The following SKAP2 variants were observed in gnomAD, a reference collection of about 807,000 sequenced individuals.
SKAP2 encodes the protein src kinase-associated phosphoprotein 2.
In SKAP2, 28 loss-of-function variants were observed where a neutral mutation model predicts 54.9. The observed-to-expected ratio is 0.51, with a 90% CI of 0.38 to 0.70. The LOEUF (loss-of-function observed/expected upper bound fraction) is 0.70, where lower values mean the gene tolerates loss of function less well. Ranked by LOEUF, SKAP2 falls within the 30% of genes least tolerant of loss-of-function variation. The pLI, the probability that SKAP2 is intolerant of heterozygous loss-of-function variation, is 0.00. For synonymous variants in SKAP2, 137 were observed against 134.3 expected (o/e 1.02, Z -0.14); for missense variants, 356 against 424.1 (o/e 0.84, Z 1.41).
chr7:26,659,553 T>C, the SKAP2 span, among the ~76,000 whole-genome samples: 1 of 152,210 alleles, frequency 6.6e-6, no homozygotes, highest in African/African-American at 2.4e-5. Context: ...TTTATTGTAA[T>C]AATGAGATGT....
rs148286274 is a variant in SKAP2 at position 26,736,547 on chromosome 7, G to C, written c.469+2248C>G. ...CAAGAAGTAACAATAAGTGTAAGCA[G>C]CTGAGCAGCCTATGCTCTGCTTTGC... On this transcript the variant is annotated intron_variant, in intron 6 of 12. Coordinates refer to ENST00000345317, the MANE Select transcript of SKAP2 (RefSeq NM_003930.5). Among the ~76,000 whole-genome samples the C allele has an allele frequency of 2.7e-4, 41 of 152,328 alleles. No individual in the cohort carries two copies. The East Asian group carries it at 7.7e-3, about 29-fold the overall frequency.
intron 4 of SKAP2, among the ~76,000 whole-genome samples, chr7:26,828,397 G>A (rs1784535907): frequency 6.6e-6 from 1 of 152,186 alleles, no homozygotes; most frequent in East Asian, 1.9e-4. Flanking sequence ...GTATAGCAAG[G>A]CCGGGCGCGG....
At chr7:26,729,666 T>C (rs982545109) in intron 6 of SKAP2, among the ~76,000 whole-genome samples, 2 of 152,032 alleles carry the variant, frequency 1.3e-5, no homozygotes, top group Non-Finnish European at 2.9e-5. Flanking sequence ...AGATCAGATA[T>C]ACCTTGAAAA....
intron 7 of SKAP2, 101 bp downstream of exon 7, chr7:26,726,781 G>T: frequency 1.1e-6 from 1 of 942,896 alleles, no homozygotes; most frequent in Non-Finnish European, 1.5e-6. Flanking sequence ...TTTTATTATT[G>T]TTAACATGTC....
intron 4 of SKAP2, among the ~76,000 whole-genome samples, chr7:26,820,260 C>T (rs1027358074): frequency 2.0e-5 from 3 of 152,172 alleles, no homozygotes; most frequent in African/African-American, 7.2e-5. Context: ...CATAATCCTT[C>T]CACTTGTAAA....
intron 11 of SKAP2, among the ~76,000 whole-genome samples, chr7:26,684,147 T>TAC (rs902489426): frequency 6.6e-6 from 1 of 152,186 alleles, no homozygotes; most frequent in South Asian, 2.1e-4. Flanking sequence ...TTTATGTATA[T>TAC]ACACACACAC....
rs544986522 is a variant in SKAP2 at position 26,725,628 on chromosome 7, C to T, written c.659-63G>A. On this transcript the variant is annotated intron_variant, in intron 8 of 12. Transcript: ENST00000345317. Reference sequence around the variant, plus strand: ...TGCAGAAGATATTTTTAAAACTATACTTTATAAATAAATGCAGCCCTACAA... The same window carrying T: ...TGCAGAAGATATTTTTAAAACTATATTTTATAAATAAATGCAGCCCTACAA... 8 of 1,395,916 alleles carry T rather than the reference C, an allele frequency of 5.7e-6. No homozygotes were observed. The East Asian group carries it at 7.2e-5, about 13-fold the overall frequency. The allele number at this position is 1,395,916 out of a possible 1,614,324, so 86.5% of individuals were successfully genotyped here.
At chr7:26,754,565 A>G (rs1584370418) in intron 4 of SKAP2, among the ~76,000 whole-genome samples, 1 of 152,178 alleles carries the variant, frequency 6.6e-6, no homozygotes, top group East Asian at 1.9e-4. Flanking sequence ...TCTCCCAACT[A>G]AGAGTTGTCA....
the SKAP2 span, among the ~76,000 whole-genome samples, chr7:26,659,755 TAATG>T: frequency 1.3e-5 from 2 of 152,062 alleles, no homozygotes; most frequent in African/African-American, 4.8e-5. Context: ...TACTTATAAA[TAATG>T]AAGTAAAATA....
chr7:26,799,564 A>C (rs1783865063), intron 4 of SKAP2, among the ~76,000 whole-genome samples: 1 of 152,188 alleles, frequency 6.6e-6, no homozygotes, highest in Non-Finnish European at 1.5e-5. Context: ...ATATAAGGAA[A>C]ATATTATCAG....
intron 4 of SKAP2, among the ~76,000 whole-genome samples, chr7:26,745,731 T>C (rs1030133975): frequency 1.3e-5 from 2 of 152,122 alleles, no homozygotes; most frequent in African/African-American, 4.8e-5. Context: ...CCCAGGCTGA[T>C]CTCAAATTAC....
intron 4 of SKAP2, among the ~76,000 whole-genome samples, chr7:26,803,667 T>A (rs894010017): frequency 6.6e-6 from 1 of 152,186 alleles, no homozygotes; most frequent in Non-Finnish European, 1.5e-5. Context: ...ATATCTGCAC[T>A]CCTACGTTTG....
At chr7:26,654,998 G>T in the SKAP2 span, among the ~76,000 whole-genome samples, 11,162 of 152,244 alleles carry the variant, frequency 0.073, 539 homozygotes, top group Middle Eastern at 0.16. Flanking sequence ...TCTTAGAGCT[G>T]CTGTGGTAAA....
At chr7:26,795,367 C>T (rs1172448702) in intron 4 of SKAP2, among the ~76,000 whole-genome samples, 1 of 152,154 alleles carries the variant, frequency 6.6e-6, no homozygotes, top group African/African-American at 2.4e-5. Context: ...AAGCTCCAAG[C>T]TTTTGAATAA....
chr7:26,662,070 C>T (rs1196531048), downstream of SKAP2, among the ~76,000 whole-genome samples: 1 of 152,088 alleles, frequency 6.6e-6, no homozygotes. Flanking sequence ...TCACTTTCAG[C>T]TGAATACTGC....
chr7:26,833,385 A>T (rs1341760527), intron 4 of SKAP2, among the ~76,000 whole-genome samples: 1 of 136,936 alleles, frequency 7.3e-6, no homozygotes, highest in African/African-American at 2.7e-5. Flanking sequence ...GACAAAGAGC[A>T]AGACTCCGTC....
intron 11 of SKAP2, among the ~76,000 whole-genome samples, chr7:26,679,529 A>G (rs1287048571): frequency 3.3e-5 from 5 of 152,186 alleles, no homozygotes; most frequent in Admixed American, 6.5e-5. Context: ...GCAAGCACAA[A>G]TACAAACACT....
chr7:26,804,505 C>T (rs1783983027), intron 4 of SKAP2, among the ~76,000 whole-genome samples: 1 of 152,058 alleles, frequency 6.6e-6, no homozygotes, highest in South Asian at 2.1e-4. Context: ...CTTTGGGAGG[C>T]CAAGGCGGGC....
chr7:26,737,084 A>G (rs1787959082), intron 6 of SKAP2, among the ~76,000 whole-genome samples: 1 of 152,214 alleles, frequency 6.6e-6, no homozygotes, highest in Non-Finnish European at 1.5e-5. Flanking sequence ...AAACACTGAC[A>G]TTAGTATTCA....
Sources: gnomAD v4.1 joint callset for allele counts (sites outside exome capture counted in the v4.1 genomes callset) on GRCh38, gnomAD v4.1.1 for gene constraint, MANE v1.5 for transcripts, NCBI Gene and HGNC (gene_info 2026-07-23, HGNC 2026-07-21) for gene names.